DDX10: variants seen among roughly 807,000 people sequenced by gnomAD.
The protein encoded by DDX10 is probable ATP-dependent RNA helicase DDX10.
Under a neutral mutation model 104.3 loss-of-function variants are expected in DDX10, and 74 were observed. That is an observed-to-expected ratio of 0.71 (90% CI 0.59 to 0.86). The LOEUF is 0.86. Among genes scored for constraint, DDX10 ranks in the 40% least tolerant of loss-of-function variants. The probability of loss-of-function intolerance (pLI) is 0.00; values close to 1 mark genes in which losing one functional copy is unlikely to be tolerated. For synonymous variants in DDX10, 351 were observed against 353.4 expected, an observed-to-expected ratio of 0.99 and a Z score of 0.08; for missense variants, 952 against 1,040.0, an observed-to-expected ratio of 0.92 and a Z score of 1.16.
At chr11:108,786,427 T>G (rs1861791477) in intron 13 of DDX10, among the ~76,000 whole-genome samples, 1 of 152,192 alleles carries the variant, frequency 6.6e-6, no homozygotes, top group Non-Finnish European at 1.5e-5. Context: ...CAGTGATCTG[T>G]CTAATGCTGT....
intron 16 of DDX10, among the ~76,000 whole-genome samples, chr11:108,862,131 G>A (rs1012302078): frequency 3.9e-5 from 6 of 152,134 alleles, no homozygotes; most frequent in Admixed American, 2.0e-4. Flanking sequence ...CAGTCCTCCC[G>A]CCTTAGCCTC....
intron 17 of DDX10, among the ~76,000 whole-genome samples, chr11:108,931,013 T>C (rs529088572): frequency 2.0e-5 from 3 of 152,130 alleles, no homozygotes; most frequent in African/African-American, 7.2e-5. Context: ...CTCTCTTCCC[T>C]CCAACAACAT....
In DDX10 at chr11:108,698,096, C is replaced by T. The variant is rs977336679; in HGVS notation, c.1223+4496C>T. 2.0e-5 allele frequency among the ~76,000 whole-genome samples: 3 copies of T among 152,170 alleles called. 1 individual carries two copies. Among genetic ancestry groups the T allele is most frequent in the Non-Finnish European group, 4.4e-5 (3 of 68,036 alleles). Reference sequence around the variant, plus strand: ...GCCAAACCTTAGCATTGCACACTCACTGGCAGCAGCTTAGATCTTAGAAAA... The same window carrying T: ...GCCAAACCTTAGCATTGCACACTCATTGGCAGCAGCTTAGATCTTAGAAAA... On this transcript the variant is annotated intron_variant, in intron 9 of 17. Transcript: ENST00000322536.
rs563251960 is a variant in DDX10, at chr11:108,828,657, C to T, written c.1966-9789C>T. On this transcript the variant is annotated intron_variant, in intron 13 of 17. Transcript: ENST00000322536. Reference sequence around the variant, plus strand: ...CTACAGTTTAATTTTAAGACTATAGCTCCGTCGCCCAGGCTGGAGTGCAGT... The same window carrying T: ...CTACAGTTTAATTTTAAGACTATAGTTCCGTCGCCCAGGCTGGAGTGCAGT... Among the ~76,000 whole-genome samples, 66 of 152,216 alleles carry T rather than the reference C, an allele frequency of 4.3e-4. 2 individuals carry two copies. Among genetic ancestry groups the T allele is most frequent in the Admixed American group, 4.3e-3 (65 of 15,282 alleles).
At chr11:108,851,218 T>TG (rs1406949621) in intron 15 of DDX10, among the ~76,000 whole-genome samples, 1 of 151,696 alleles carries the variant, frequency 6.6e-6, no homozygotes, top group Non-Finnish European at 1.5e-5. Flanking sequence ...GAAAACTGCA[T>TG]GGGGGGTGGG....
At chr11:108,906,725 TC>T (rs1321947497) in intron 16 of DDX10, among the ~76,000 whole-genome samples, 1 of 152,222 alleles carries the variant, frequency 6.6e-6, no homozygotes, top group African/African-American at 2.4e-5. Flanking sequence ...ATAAAGATGA[TC>T]AATAAGATGC....
chr11:108,760,157 G>A (rs1591811260), intron 13 of DDX10, among the ~76,000 whole-genome samples: 1 of 150,482 alleles, frequency 6.6e-6, no homozygotes, highest in East Asian at 1.9e-4. Context: ...TATGGTGTAC[G>A]TGGGTTGATT....
intron 16 of DDX10, among the ~76,000 whole-genome samples, chr11:108,885,596 A>C (rs1308096287): frequency 6.6e-6 from 1 of 151,912 alleles, no homozygotes; most frequent in Non-Finnish European, 1.5e-5. Flanking sequence ...GCTGGTCTAG[A>C]ATTCCTGACC....
At chr11:108,808,227 T>C (rs1479920836) in intron 13 of DDX10, among the ~76,000 whole-genome samples, 1 of 152,146 alleles carries the variant, frequency 6.6e-6, no homozygotes, top group Non-Finnish European at 1.5e-5. Context: ...ACAAATTTTT[T>C]TTCCAGTAAC....
At chr11:108,682,397 G>T (rs977497389) in intron 6 of DDX10, among the ~76,000 whole-genome samples, 1 of 152,162 alleles carries the variant, frequency 6.6e-6, no homozygotes, top group African/African-American at 2.4e-5. Context: ...GAGCCATTGT[G>T]CCTGGCCAAC....
chr11:108,759,825 TC>T (rs1288077499), intron 13 of DDX10, among the ~76,000 whole-genome samples: 1 of 152,010 alleles, frequency 6.6e-6, no homozygotes, highest in Non-Finnish European at 1.5e-5. Context: ...AGATGCTGCC[TC>T]CCCAGGTATA....
chr11:108,770,946 T>G (rs1336653436), intron 13 of DDX10, among the ~76,000 whole-genome samples: 1 of 151,536 alleles, frequency 6.6e-6, no homozygotes, highest in Non-Finnish European at 1.5e-5. Context: ...AGAGTGGTTG[T>G]GCTAATTTAC....
chr11:108,937,449 C>A (rs1407812547), intron 17 of DDX10, among the ~76,000 whole-genome samples: 3 of 152,054 alleles, frequency 2.0e-5, no homozygotes, highest in African/African-American at 4.8e-5. Flanking sequence ...AGTTATATTC[C>A]ATTTAAAACT....
At chr11:108,785,399 G>C (rs1182650394) in intron 13 of DDX10, among the ~76,000 whole-genome samples, 2 of 150,806 alleles carry the variant, frequency 1.3e-5, no homozygotes, top group Admixed American at 1.3e-4. Flanking sequence ...TGTTGTTGTT[G>C]TTATTGTTGT....
At chr11:108,795,277 AT>A (rs559914594) in intron 13 of DDX10, among the ~76,000 whole-genome samples, 12,374 of 131,080 alleles carry the variant, frequency 0.094, 1,184 homozygotes, top group African/African-American at 0.27. Flanking sequence ...GGGCCTGGAA[AT>A]TTTTTTTTTT....
intron 13 of DDX10, among the ~76,000 whole-genome samples, chr11:108,836,835 C>A (rs1165490893): frequency 6.6e-6 from 1 of 152,098 alleles, no homozygotes; most frequent in African/African-American, 2.4e-5. Flanking sequence ...TTGTTAATAT[C>A]TCCTTATTAA....
chr11:108,836,406 A>G (rs1335275329), intron 13 of DDX10, among the ~76,000 whole-genome samples: 2 of 152,246 alleles, frequency 1.3e-5, no homozygotes, highest in Non-Finnish European at 2.9e-5. Flanking sequence ...AACCGTGACC[A>G]TTATCTAAAA....
chr11:108,706,223 C>T (rs1947926), intron 9 of DDX10, among the ~76,000 whole-genome samples: 18,630 of 152,076 alleles, frequency 0.12, 1,531 homozygotes, highest in East Asian at 0.27. Flanking sequence ...TCACCCGCCT[C>T]GGCCTCCCAA....
chr11:108,911,930 C>T (rs1039694375), intron 16 of DDX10, among the ~76,000 whole-genome samples: 7 of 152,120 alleles, frequency 4.6e-5, no homozygotes, highest in Non-Finnish European at 7.4e-5. Flanking sequence ...AAGGCATCCT[C>T]TCAGTGTTAA....
Sources: allele counts gnomAD v4.1 joint callset (sites outside exome capture counted in the v4.1 genomes callset), GRCh38; gene constraint gnomAD v4.1.1; transcripts MANE v1.5; gene names NCBI Gene and HGNC (gene_info 2026-07-23, HGNC 2026-07-21).